TTL: variants seen among roughly 807,000 people sequenced by gnomAD.
TTL encodes tubulin tyrosine ligase.
TTL carries 10 observed loss-of-function variants against 41.1 expected under a neutral mutation model. That is an observed-to-expected ratio of 0.24 (90% CI 0.15 to 0.41). The LOEUF (loss-of-function observed/expected upper bound fraction) is 0.41. Ranked by LOEUF, TTL falls within the 10% of genes least tolerant of loss-of-function variation. TTL has a pLI of 1.00. For missense variants in TTL, 367 were observed against 460.4 expected (o/e 0.80, Z 1.86); for synonymous variants, 175 against 175.5 (o/e 1.00, Z 0.02).
At chr2:112,511,616 G>A (rs1006693100) in intron 5 of TTL, among the ~76,000 whole-genome samples, 1 of 151,510 alleles carries the variant, frequency 6.6e-6, no homozygotes, top group African/African-American at 2.4e-5. Flanking sequence ...CCAGGCTGGA[G>A]TTCAGGGGCA....
chr2:112,500,343 C>T (rs1681655717), intron 3 of TTL, among the ~76,000 whole-genome samples: 1 of 151,910 alleles, frequency 6.6e-6, no homozygotes, highest in Non-Finnish European at 1.5e-5. Context: ...GAGGCCAAGG[C>T]AGGCAGATCA....
In TTL at chr2:112,533,683, A is replaced by G. The variant is rs1239517489; in HGVS notation, c.*4888A>G. 6 of 152,212 alleles carry G rather than the reference A, an allele frequency of 3.9e-5. No homozygotes were observed. The highest frequency in any genetic ancestry group is 1.4e-4 in the African/African-American group (6 of 41,450). 9.4% of individuals were successfully genotyped at this position (152,212 alleles called of 1,614,324 possible). On this transcript the variant is annotated 3_prime_UTR_variant, in exon 7 of 7. Coordinates refer to ENST00000233336, the MANE Select transcript of TTL (RefSeq NM_153712.5). ...CTAGCAACCCATTCCTGTGATAACT[A>G]ACCCACTCCTGGCATAACATCATTA...
At chr2:112,484,410 C>G (rs1288479638) in intron 1 of TTL, among the ~76,000 whole-genome samples, 2 of 151,592 alleles carry the variant, frequency 1.3e-5, no homozygotes, top group Non-Finnish European at 2.9e-5. Context: ...ATTACAGGCG[C>G]GCATCACCAT....
intron 1 of TTL, among the ~76,000 whole-genome samples, chr2:112,484,160 A>G (rs1473274720): frequency 6.6e-6 from 1 of 151,858 alleles, no homozygotes; most frequent in Non-Finnish European, 1.5e-5. Context: ...AGAAGCCTCC[A>G]GAATTTGAAT....
intron 5 of TTL, among the ~76,000 whole-genome samples, chr2:112,512,185 G>A (rs934239769): frequency 3.3e-5 from 5 of 151,744 alleles, no homozygotes; most frequent in African/African-American, 7.3e-5. Flanking sequence ...TCTGCCTCCC[G>A]GGTTCAAGTG....
At chr2:112,512,372 C>T (rs766979423) in intron 5 of TTL, among the ~76,000 whole-genome samples, 3 of 152,066 alleles carry the variant, frequency 2.0e-5, no homozygotes, top group African/African-American at 7.2e-5. Context: ...ACGCCATTCT[C>T]CTGCCTCAGC....
chr2:112,509,053 G>C (rs1158157946), intron 5 of TTL, among the ~76,000 whole-genome samples: 1 of 101,760 alleles, frequency 9.8e-6, no homozygotes, highest in Non-Finnish European at 1.9e-5. Context: ...CTCAGCTGCA[G>C]GTCTGTTGGA....
At chr2:112,514,888 A>T (rs1357299169) in intron 5 of TTL, among the ~76,000 whole-genome samples, 1 of 151,988 alleles carries the variant, frequency 6.6e-6, no homozygotes, top group Non-Finnish European at 1.5e-5. Context: ...TTTTTGTATC[A>T]TTTTATCTCC....
intron 6 of TTL, among the ~76,000 whole-genome samples, chr2:112,523,839 C>A (rs1437610380): frequency 6.6e-6 from 1 of 151,752 alleles, no homozygotes; most frequent in Non-Finnish European, 1.5e-5. Flanking sequence ...TACATGTGCA[C>A]AATGTGTAGG....
chr2:112,486,953 G>C (rs1175112526), intron 2 of TTL, among the ~76,000 whole-genome samples: 1 of 152,140 alleles, frequency 6.6e-6, no homozygotes, highest in East Asian at 1.9e-4. Context: ...TGCCCGTCTT[G>C]TTGTTCCTAC....
rs192318703 is a variant in TTL, at chr2:112,526,511, C to G, written c.1020-2170C>G. On this transcript the variant is annotated intron_variant, in intron 6 of 6. Transcript: ENST00000233336. ...GGATTCAACTTCTTCCTTGTTTAGT[C>G]TTGGGAGGGTGTATGTGTCCAGGAA... Among the ~76,000 whole-genome samples the G allele has an allele frequency of 2.8e-3, 429 of 152,254 alleles. 1 individual carries two copies. The highest frequency in any genetic ancestry group is 0.017 in the Middle Eastern group (5 of 294).
intron 5 of TTL, among the ~76,000 whole-genome samples, chr2:112,511,444 A>C (rs1681917389): frequency 6.6e-6 from 1 of 151,814 alleles, no homozygotes; most frequent in South Asian, 2.1e-4. Context: ...TCTCCTTTCA[A>C]TTTTATCTGT....
intron 3 of TTL, 82 bp downstream of exon 3, chr2:112,494,457 C>T (rs1484865019): frequency 2.4e-5 from 26 of 1,095,584 alleles, no homozygotes; most frequent in Non-Finnish European, 1.3e-6. Flanking sequence ...CTATTTTAAT[C>T]TGAATCATCG....
At chr2:112,497,405 T>C (rs1681562713) in intron 3 of TTL, among the ~76,000 whole-genome samples, 1 of 152,100 alleles carries the variant, frequency 6.6e-6, no homozygotes, top group African/African-American at 2.4e-5. Flanking sequence ...TTTATGGCTC[T>C]TGCTCTGTGT....
chr2:112,525,005 G>A (rs762337655), intron 6 of TTL, among the ~76,000 whole-genome samples: 3 of 152,176 alleles, frequency 2.0e-5, no homozygotes, highest in South Asian at 2.1e-4. Context: ...AGCTTTCTAT[G>A]TATGGCTAGC....
rs1682664029 is a variant in TTL, at chr2:112,539,223, C to T, written c.*10428C>T. 1 of 151,832 alleles carries T rather than the reference C, an allele frequency of 6.6e-6. No homozygotes were observed. The highest frequency in any genetic ancestry group is 1.5e-5 in the Non-Finnish European group (1 of 68,014). 9.4% of individuals were successfully genotyped at this position (151,832 alleles called of 1,614,324 possible). A position where few individuals can be genotyped will look rare whatever the true frequency, so the allele number is the denominator to read the frequency against. ...AAAACTACCTATTGGATACTGTGCT[C>T]GCTACCTGGGTGACAGGTTCAACCA... On this transcript the variant is annotated 3_prime_UTR_variant, in exon 7 of 7. Coordinates refer to ENST00000233336, the MANE Select transcript of TTL (RefSeq NM_153712.5).
rs149453386 is a variant in TTL at position 112,523,691 on chromosome 2, C to T, written c.1019+3266C>T. Among the ~76,000 whole-genome samples the T allele has an allele frequency of 1.3e-4, 20 of 152,258 alleles. No homozygotes were observed. The East Asian group carries it at 3.7e-3, about 28-fold the overall frequency. On this transcript the variant is annotated intron_variant, in intron 6 of 6. Coordinates refer to ENST00000233336, the MANE Select transcript of TTL (RefSeq NM_153712.5). ...TGTGTGCCTTGTTCACCTGCAAGGC[C>T]TTCCATAAGTATTTGCTGAGGGAAT...
In TTL at chr2:112,531,698, A is replaced by AT. The variant is rs1682513061; in HGVS notation, c.*2905dup. On this transcript the variant is annotated 3_prime_UTR_variant, in exon 7 of 7. Transcript: ENST00000233336. ...TAAGGCTTATGACTTAAAAAAAAAA[A>AT]TTCTTTTTGGAAACACAAGCATTTC... 1 of 222,758 alleles carries AT rather than the reference A, an allele frequency of 4.5e-6. No individual in the cohort carries two copies. The highest frequency in any genetic ancestry group is 6.6e-5 in the East Asian group (1 of 15,260). The allele number at this position is 222,758 out of a possible 1,614,324, so 13.8% of individuals were successfully genotyped here.
chr2:112,501,181 T>C, intron 3 of TTL, 25 bp from the exon 4 acceptor site: 2 of 1,597,678 alleles, frequency 1.3e-6, no homozygotes, highest in Non-Finnish European at 1.7e-6. Flanking sequence ...TTGGATTGGT[T>C]TGTCTTTTGC....
Sources: allele counts gnomAD v4.1 joint callset (sites outside exome capture counted in the v4.1 genomes callset), GRCh38; gene constraint gnomAD v4.1.1; transcripts MANE v1.5; gene names NCBI Gene and HGNC (gene_info 2026-07-23, HGNC 2026-07-21).